Variants in FILIP1 observed in about 807,000 individuals in gnomAD.
The protein encoded by FILIP1 is filamin-A-interacting protein 1.
Under a neutral mutation model 102.1 loss-of-function variants are expected in FILIP1, and 61 were observed. The observed-to-expected ratio is 0.60, with a 90% CI of 0.49 to 0.74. The LOEUF (loss-of-function observed/expected upper bound fraction) is 0.74. FILIP1 is among the 30% of genes least tolerant of loss of function. The pLI, the probability that FILIP1 is intolerant of heterozygous loss-of-function variation, is 0.00. For synonymous variants in FILIP1, 491 were observed against 526.9 expected (o/e 0.93, Z 0.93); for missense variants, 1,314 against 1,441.2 (o/e 0.91, Z 1.43).
intron 1 of FILIP1, among the ~76,000 whole-genome samples, chr6:75,438,312 G>T (rs375131195): frequency 6.6e-6 from 1 of 152,222 alleles, no homozygotes; most frequent in East Asian, 1.9e-4. Context: ...TTTGGAGCCA[G>T]TTTATTCACA....
At chr6:75,476,099 G>T (rs1263361179) in intron 1 of FILIP1, among the ~76,000 whole-genome samples, 1 of 152,066 alleles carries the variant, frequency 6.6e-6, no homozygotes, top group African/African-American at 2.4e-5. Context: ...AAATTAGCTG[G>T]GTGTGGTGGC....
intron 4 of FILIP1, among the ~76,000 whole-genome samples, chr6:75,323,299 A>G (rs1773724900): frequency 6.6e-6 from 1 of 152,218 alleles, no homozygotes; most frequent in Non-Finnish European, 1.5e-5. Context: ...GATGGTGCAT[A>G]CATTTGTCAA....
intron 1 of FILIP1, among the ~76,000 whole-genome samples, chr6:75,471,912 A>G (rs1007950044): frequency 6.6e-6 from 1 of 151,998 alleles, no homozygotes; most frequent in Non-Finnish European, 1.5e-5. Flanking sequence ...AACAGTGACT[A>G]TTTCTAGAGA....
At position 75,414,708 on chromosome 6, in the gene FILIP1, C is replaced by A; in HGVS notation, c.265G>T (p.Gly89Trp). The A allele has an allele frequency of 6.2e-7, 1 of 1,611,630 alleles. No homozygotes were observed. The highest frequency in any genetic ancestry group is 1.1e-5 in the South Asian group (1 of 90,662). ...DLIQLLSIMEGELQAREDVIH... is the reference protein window; with the variant it reads ...DLIQLLSIMEWELQAREDVIH... Reference sequence around the variant, plus strand: ...AAGTTTGACTCTACCTGCAACTCCCCTTCCATTATACTGAGTAGTTGGATG... The same window carrying A: ...AAGTTTGACTCTACCTGCAACTCCCATTCCATTATACTGAGTAGTTGGATG... The change falls in exon 2 of 6, where the codon GGG (glycine) becomes TGG (tryptophan). Residue 89 changes from glycine to tryptophan, a missense_variant. By Grantham distance (184) the Gly-to-Trp change is radical (BLOSUM62 -2). This residue lies in a region of FILIP1 where 494 missense variants were observed against 511.2 expected (regional missense o/e 0.97). Transcript: ENST00000237172.
intron 2 of FILIP1, among the ~76,000 whole-genome samples, chr6:75,414,204 G>A (rs867706407): frequency 7.9e-5 from 12 of 151,594 alleles, no homozygotes; most frequent in African/African-American, 2.9e-4. Flanking sequence ...GAGACTGAAA[G>A]TTAAAAAAAG....
At chr6:75,347,402 AAAG>A (rs779767683) in intron 4 of FILIP1, among the ~76,000 whole-genome samples, 31 of 152,256 alleles carry the variant, frequency 2.0e-4, no homozygotes, top group Non-Finnish European at 3.2e-4. Flanking sequence ...TGCTAATCAC[AAAG>A]AAGAAGGCTC....
At chr6:75,475,225 GAATTATAAATCACACAT>G (rs1175940319) in intron 1 of FILIP1, among the ~76,000 whole-genome samples, 2 of 152,148 alleles carry the variant, frequency 1.3e-5, no homozygotes, top group Non-Finnish European at 2.9e-5. Context: ...ATGCTTATTT[GAATTATAAATCACACAT>G]AGTCTGGGCT....
At chr6:75,411,725 T>C (rs1335003712) in intron 2 of FILIP1, among the ~76,000 whole-genome samples, 1 of 152,194 alleles carries the variant, frequency 6.6e-6, no homozygotes, top group Non-Finnish European at 1.5e-5. Context: ...CAGATAGTTG[T>C]AGATGTGTGG....
chr6:75,326,126 T>TAC lies in FILIP1; in HGVS notation c.630-10926_630-10925dup, dbSNP rs766233320. Among the ~76,000 whole-genome samples, 1,253 of 149,626 alleles carry TAC rather than the reference T, an allele frequency of 8.4e-3. 6 individuals are homozygous for TAC. Among genetic ancestry groups the TAC allele is most frequent in the African/African-American group, 0.021 (846 of 41,034 alleles). ...AGATAGATAGAGAGATAGATAGATATACACACACACACACACACACATCAT... is the reference window on the plus strand; with the variant it reads ...AGATAGATAGAGAGATAGATAGATATACACACACACACACACACACACATCAT... On this transcript the variant is annotated intron_variant, in intron 4 of 5. Coordinates refer to ENST00000237172, the MANE Select transcript of FILIP1 (RefSeq NM_015687.5).
In FILIP1 at chr6:75,492,187, A is replaced by T. The variant is rs62414211; in HGVS notation, c.-7+1227T>A. On this transcript the variant is annotated intron_variant, in intron 1 of 5. Transcript: ENST00000237172. ...TAAACAGAATTATAAAACATAACACATACTGAAATGAGTGCCCTATTTCAT... is the reference window on the plus strand; with the variant it reads ...TAAACAGAATTATAAAACATAACACTTACTGAAATGAGTGCCCTATTTCAT... Among the ~76,000 whole-genome samples the T allele has an allele frequency of 1.7e-3, 264 of 152,360 alleles. 1 individual carries two copies. Among genetic ancestry groups the T allele is most frequent in the Admixed American group, 2.9e-3 (44 of 15,294 alleles).
At chr6:75,492,396 T>A (rs1779988193) in intron 1 of FILIP1, among the ~76,000 whole-genome samples, 1 of 152,196 alleles carries the variant, frequency 6.6e-6, no homozygotes, top group Admixed American at 6.5e-5. Flanking sequence ...CTTCTATATC[T>A]TCTTTGATAT....
At chr6:75,463,250 C>A (rs1005958747) in intron 1 of FILIP1, among the ~76,000 whole-genome samples, 1 of 152,142 alleles carries the variant, frequency 6.6e-6, no homozygotes, top group African/African-American at 2.4e-5. Context: ...AACTTCTAAT[C>A]TCATGGAAAG....
At chr6:75,389,311 A>C (rs540185637) in intron 2 of FILIP1, among the ~76,000 whole-genome samples, 4 of 152,322 alleles carry the variant, frequency 2.6e-5, no homozygotes, top group African/African-American at 9.6e-5. Context: ...AATCATCATC[A>C]GGGATATTGG....
intron 2 of FILIP1, among the ~76,000 whole-genome samples, chr6:75,377,974 AAGTTGCC>A (rs1240773040): frequency 6.6e-6 from 1 of 152,238 alleles, no homozygotes; most frequent in African/African-American, 2.4e-5. Context: ...ATGTTCTATA[AAGTTGCC>A]ACAAACATGA....
intron 6 of FILIP1, among the ~76,000 whole-genome samples, chr6:75,300,551 A>G (rs1017132377): frequency 6.6e-6 from 1 of 152,162 alleles, no homozygotes; most frequent in African/African-American, 2.4e-5. Flanking sequence ...CAAGTTTCTC[A>G]TTTTCCTAAA....
chr6:75,352,657 A>T (rs1302113604), intron 4 of FILIP1, among the ~76,000 whole-genome samples: 2 of 152,040 alleles, frequency 1.3e-5, no homozygotes, highest in African/African-American at 4.8e-5. Context: ...TAAGTGATTT[A>T]TACACAGCCA....
rs143502875 is a variant in FILIP1 at position 75,353,677 on chromosome 6, C to T, written c.491G>A (p.Arg164His). 1.4e-5 allele frequency: 23 copies of T among 1,613,874 alleles called. No homozygotes were observed. Among genetic ancestry groups the T allele is most frequent in the South Asian group, 4.4e-5 (4 of 91,096 alleles). Residue 164 changes from arginine to histidine, a missense_variant, in exon 4 of 6, where the codon CGC becomes CAC. Arg to His is a conservative substitution (Grantham distance 29). This residue lies in a region of FILIP1 where 494 missense variants were observed against 511.2 expected (regional missense o/e 0.97). Coordinates refer to ENST00000237172, the MANE Select transcript of FILIP1 (RefSeq NM_015687.5). Reference protein sequence around the residue: ...LEEKQKETYRRMLEQLLLAEK... With the variant: ...LEEKQKETYRHMLEQLLLAEK... ...GGCCAGCAACAGCTGCTCTAGCATG[C>T]GCCGGTAGGTTTCTTTCTGTTTTTC... is the stretch of plus-strand genomic sequence containing the variant.
intron 4 of FILIP1, among the ~76,000 whole-genome samples, chr6:75,348,062 T>TAGACACACACAC (rs1554202431): frequency 2.0e-5 from 3 of 147,268 alleles, no homozygotes; most frequent in Non-Finnish European, 4.5e-5. Flanking sequence ...ACATCAGTTA[T>TAGACACACACAC]ACACACACAC....
intron 4 of FILIP1, among the ~76,000 whole-genome samples, chr6:75,320,226 C>G (rs545704127): frequency 3.3e-5 from 5 of 152,186 alleles, no homozygotes; most frequent in South Asian, 2.1e-4. Context: ...AATGCATAAA[C>G]AAGAGAAAGA....
Sources: gnomAD v4.1 joint callset for allele counts (sites outside exome capture counted in the v4.1 genomes callset) on GRCh38, gnomAD v4.1.1 for gene constraint, gnomAD v4.1.1 regional missense constraint, MANE v1.5 for transcripts, NCBI Gene and HGNC (gene_info 2026-07-23, HGNC 2026-07-21) for gene names.